The following ZBTB21 variants were observed in gnomAD, a reference collection of about 807,000 sequenced individuals.
The protein encoded by ZBTB21 is zinc finger and BTB domain containing 21.
A neutral mutation model predicts 39.8 loss-of-function variants in ZBTB21; 10 were observed. The ratio of observed to expected loss-of-function variants is 0.25; its 90% CI spans 0.16 to 0.43. The LOEUF is 0.43. Ranked by LOEUF, ZBTB21 falls within the 20% of genes least tolerant of loss-of-function variation. The probability of loss-of-function intolerance (pLI) is 1.00; values close to 1 mark genes in which losing one functional copy is unlikely to be tolerated. For synonymous variants in ZBTB21, 551 were observed against 498.8 expected (o/e 1.10, Z -1.40); for missense variants, 1,221 against 1,296.3 (o/e 0.94, Z 0.89).
At chr21:41,998,461 G>GCC in intron 2 of ZBTB21, among the ~76,000 whole-genome samples, 1 of 152,296 alleles carries the variant, frequency 6.6e-6, no homozygotes, top group South Asian at 2.1e-4. Context: ...AAAGTGCTGG[G>GCC]ATTACAGGTG....
Position 41,991,901 on chromosome 21 carries a change from G to A in ZBTB21, c.2195C>T (p.Ser732Phe), listed in dbSNP as rs1340971024. ...YQCRLCNAKL[S>F]SLLEQGSHER... ...GTGGCTTCCTTGCTCTAGGAGAGAA[G>A]AGAGCTTAGCATTACAGAGGCGGCA... Residue 732 changes from serine (S) to phenylalanine (F), a missense_variant, in exon 3 of 3, where the codon TCT (serine) becomes TTT (phenylalanine). This residue lies in a region of ZBTB21 where 523 missense variants were observed against 542.5 expected (regional missense o/e 0.96). Transcript: ENST00000310826. This position sits in a 1 kb window ranked among gnomAD's most constrained non-coding sequence, Gnocchi z 4.9. 1.7e-5 allele frequency: 28 copies of A among 1,614,178 alleles called. No individual in the cohort carries two copies. Among genetic ancestry groups the A allele is most frequent in the Non-Finnish European group, 2.4e-5 (28 of 1,180,046 alleles).
At chr21:42,010,120 C>T (rs2065943556) in intron 1 of ZBTB21, 132 bp downstream of exon 1, 1 of 388,196 alleles carries the variant, frequency 2.6e-6, no homozygotes, top group Admixed American at 4.5e-5. Context: ...GCCCGCAACC[C>T]GCTGGTGGAG....
chr21:42,006,500 C>CT (rs1240615960), intron 1 of ZBTB21, among the ~76,000 whole-genome samples: 1 of 151,946 alleles, frequency 6.6e-6, no homozygotes, highest in Non-Finnish European at 1.5e-5. Context: ...TCCAGATACT[C>CT]TGTCTCTAAG....
At chr21:42,007,620 A>C (rs548258562) in intron 1 of ZBTB21, among the ~76,000 whole-genome samples, 1 of 152,186 alleles carries the variant, frequency 6.6e-6, no homozygotes, top group Non-Finnish European at 1.5e-5. Context: ...AACTACCACA[A>C]TACTTCATCT....
chr21:42,008,606 C>T (rs1164542462), intron 1 of ZBTB21, among the ~76,000 whole-genome samples: 1 of 150,044 alleles, frequency 6.7e-6, no homozygotes, highest in Non-Finnish European at 1.5e-5. Flanking sequence ...TTAATTATCT[C>T]ATTTCCATCG....
In ZBTB21 at chr21:41,991,562, T is replaced by C. The variant is rs766247343; in HGVS notation, c.2534A>G (p.Asn845Ser). ...VNHIVTTKDD[N>S]VFSDSSEQVN... ...TTGTTCTGAAGAATCACTGAACACG[T>C]TGTCGTCTTTTGTGGTGACGATGTG... The change falls in exon 3 of 3, where the codon AAC (asparagine) becomes AGC (serine). Residue 845 changes from asparagine to serine, a missense_variant. This residue lies in a region of ZBTB21 where 523 missense variants were observed against 542.5 expected (regional missense o/e 0.96). Coordinates refer to ENST00000310826, the MANE Select transcript of ZBTB21 (RefSeq NM_001098402.2). The surrounding 1 kb of genome is among the most constrained non-coding windows in gnomAD (Gnocchi z 4.9). 9 of 1,614,092 alleles carry C rather than the reference T, an allele frequency of 5.6e-6. No individual in the cohort carries two copies. The highest frequency in any genetic ancestry group is 5.3e-5 in the African/African-American group (4 of 74,926).
Position 41,992,499 on chromosome 21 carries a change from C to T in ZBTB21, c.1597G>A (p.Glu533Lys), listed in dbSNP as rs575685431. ...DFPDSDLNKDEFGELEGTRPN... is the reference protein window; with the variant it reads ...DFPDSDLNKDKFGELEGTRPN... ...CTCGTCCCCTCCAACTCACCAAATTCGTCTTTATTCAAATCAGAATCTGGA... is the reference window on the plus strand; with the variant it reads ...CTCGTCCCCTCCAACTCACCAAATTTGTCTTTATTCAAATCAGAATCTGGA... The change falls in exon 3 of 3, where the codon GAA becomes AAA. Residue 533 changes from glutamate to lysine, a missense_variant. This residue lies in a region of ZBTB21 where 90 missense variants were observed against 133.1 expected (regional missense o/e 0.68). Transcript: ENST00000310826. This position sits in a 1 kb window ranked among gnomAD's most constrained non-coding sequence, Gnocchi z 4.1. The T allele has an allele frequency of 4.6e-5, 75 of 1,614,148 alleles. No individual in the cohort carries two copies. Among genetic ancestry groups the T allele is most frequent in the Non-Finnish European group, 5.7e-5 (67 of 1,180,026 alleles).
chr21:42,010,222 C>T lies in ZBTB21; in HGVS notation c.-79+30G>A, dbSNP rs2065945462. On this transcript the variant is annotated intron_variant, in intron 1 of 2. Transcript: ENST00000310826. ...GCCTCCCAAGGAGCCCCGCAGTTCT[C>T]CTAGAGCTAGGGGCGTGACAGTTAC... 3 of 397,316 alleles carry T rather than the reference C, an allele frequency of 7.6e-6. No homozygotes were observed. In the South Asian group the frequency reaches 3.8e-4, roughly 51 times the overall value. 24.6% of individuals were successfully genotyped at this position (397,316 alleles called of 1,614,324 possible). A position where few individuals can be genotyped will look rare whatever the true frequency, so the allele number is the denominator to read the frequency against.
intron 2 of ZBTB21, among the ~76,000 whole-genome samples, chr21:41,997,580 AAAAAAAAAAC>A (rs2065764550): frequency 7.0e-6 from 1 of 143,300 alleles, no homozygotes; most frequent in African/African-American, 2.7e-5. Flanking sequence ...TGTCTCAAAA[AAAAAAAAAAC>A]AAAAAAACAA....
chr21:42,001,135 C>T lies in ZBTB21; in HGVS notation c.-14+1762G>A, dbSNP rs150611853. Among the ~76,000 whole-genome samples, 392 of 152,210 alleles carry T rather than the reference C, an allele frequency of 2.6e-3. 5 individuals are homozygous for T. The highest frequency in any genetic ancestry group is 9.0e-3 in the African/African-American group (375 of 41,522). ...ACAGACGGTCAAGTAACATGCTCAACGTCATAGAGATAAGTAGCAGAGCAG... is the reference window on the plus strand; with the variant it reads ...ACAGACGGTCAAGTAACATGCTCAATGTCATAGAGATAAGTAGCAGAGCAG... On this transcript the variant is annotated intron_variant, in intron 2 of 2. Coordinates refer to ENST00000310826, the MANE Select transcript of ZBTB21 (RefSeq NM_001098402.2).
At chr21:41,996,440 G>A (rs771562530) in intron 2 of ZBTB21, among the ~76,000 whole-genome samples, 1 of 152,166 alleles carries the variant, frequency 6.6e-6, no homozygotes, top group Non-Finnish European at 1.5e-5. Context: ...TTGCACCGGG[G>A]CCTGTAAGCC....
chr21:42,003,078 T>C (rs571277217), intron 1 of ZBTB21, 117 bp from the exon 2 acceptor site: 1 of 152,376 alleles, frequency 6.6e-6, no homozygotes, highest in African/African-American at 2.4e-5. Flanking sequence ...CCGCCACCTA[T>C]TAGGCATGGA....
At position 41,991,942 on chromosome 21, in the gene ZBTB21, G is replaced by A; in HGVS notation, c.2154C>T (p.Asn718=). The A allele has an allele frequency of 3.1e-6, 5 of 1,614,076 alleles. No homozygotes were observed. The highest frequency in any genetic ancestry group is 4.2e-6 in the Non-Finnish European group (5 of 1,180,030). Residue 718 remains asparagine, a synonymous_variant, in exon 3 of 3, where the codon AAC becomes AAT. Transcript: ENST00000310826. This position sits in a 1 kb window ranked among gnomAD's most constrained non-coding sequence, Gnocchi z 4.9. ...EHAPLASPVE[N]KEVYQCRLCN... ...AGAGGCGGCACTGGTAAACCTCCTT[G>A]TTTTCTACTGGACTTGCAAGAGGAG...
In ZBTB21 at chr21:41,990,781, C is replaced by T; in HGVS notation, c.*114G>A. On this transcript the variant is annotated 3_prime_UTR_variant, in exon 3 of 3. Coordinates refer to ENST00000310826, the MANE Select transcript of ZBTB21 (RefSeq NM_001098402.2). ...GCCTCCAACTTAATTTCAAGCGTAA[C>T]AATCTCCAACCTTTATTATTCTTGT... The T allele has an allele frequency of 9.3e-7, 1 of 1,080,336 alleles. No individual in the cohort carries two copies. Among genetic ancestry groups the T allele is most frequent in the African/African-American group, 1.6e-5 (1 of 61,078 alleles). The allele number at this position is 1,080,336 out of a possible 1,614,324, so 66.9% of individuals were successfully genotyped here.
intron 1 of ZBTB21, among the ~76,000 whole-genome samples, chr21:42,005,669 G>C (rs1366424707): frequency 6.6e-6 from 1 of 152,146 alleles, no homozygotes; most frequent in Non-Finnish European, 1.5e-5. Flanking sequence ...ACAGCTTCTA[G>C]ACTGAGCTTC....
At position 41,991,876 on chromosome 21, in the gene ZBTB21, G is replaced by A. The variant is rs375659133; in HGVS notation, c.2220C>T (p.His740=). The A allele has an allele frequency of 2.0e-5, 33 of 1,614,188 alleles. No individual in the cohort carries two copies. The highest frequency in any genetic ancestry group is 1.6e-4 in the Middle Eastern group (1 of 6,062). Residue 740 remains histidine, a synonymous_variant, in exon 3 of 3, where the codon CAC becomes CAT. Transcript: ENST00000310826. This position sits in a 1 kb window ranked among gnomAD's most constrained non-coding sequence, Gnocchi z 4.9. ...KLSSLLEQGS[H]ERLCRNAAVC... ...CGGCCGCGTTCCGGCACAGCCGCTC[G>A]TGGCTTCCTTGCTCTAGGAGAGAAG... is the stretch of plus-strand genomic sequence containing the variant.
intron 1 of ZBTB21, among the ~76,000 whole-genome samples, chr21:42,006,953 C>T (rs1383122941): frequency 2.0e-5 from 3 of 152,224 alleles, no homozygotes; most frequent in South Asian, 4.1e-4. Flanking sequence ...TCTTGGACTT[C>T]TAGCTTTCAG....
intron 1 of ZBTB21, among the ~76,000 whole-genome samples, chr21:42,006,463 A>C (rs1424749118): frequency 6.6e-6 from 1 of 151,214 alleles, no homozygotes; most frequent in Non-Finnish European, 1.5e-5. Context: ...TCTTTCCCTT[A>C]GTTATTCCCT....
Position 41,992,627 on chromosome 21 carries a change from C to A in ZBTB21, c.1469G>T (p.Arg490Leu), listed in dbSNP as rs531808521. ...LPAKRRFQAD[R>L]RLPFKKLKVN... is the part of the protein sequence containing the mutation. The stretch of plus-strand genomic sequence containing the variant: ...CTTTAACTTCTTAAACGGCAATCTT[C>A]GGTCCGCTTGGAACCTCCTTTTTGC... Residue 490 changes from arginine to leucine, a missense_variant, in exon 3 of 3, where the codon CGA becomes CTA. This residue lies in a region of ZBTB21 where 500 missense variants were observed against 465.6 expected (regional missense o/e 1.07). Coordinates refer to ENST00000310826, the MANE Select transcript of ZBTB21 (RefSeq NM_001098402.2). This position sits in a 1 kb window ranked among gnomAD's most constrained non-coding sequence, Gnocchi z 4.1. 11 of 1,614,038 alleles carry A rather than the reference C, an allele frequency of 6.8e-6. No homozygotes were observed. The highest frequency in any genetic ancestry group is 3.4e-6 in the Non-Finnish European group (4 of 1,180,032).
Sources: allele counts gnomAD v4.1 joint callset (sites outside exome capture counted in the v4.1 genomes callset), GRCh38; gene constraint gnomAD v4.1.1; regional missense constraint gnomAD v4.1.1; non-coding constraint Gnocchi (gnomAD v3.1); transcripts MANE v1.5; gene names NCBI Gene and HGNC (gene_info 2026-07-23, HGNC 2026-07-21).